Variants in STXBP5L observed in about 807,000 individuals in gnomAD.
The protein encoded by STXBP5L is syntaxin binding protein 5L, also known as syntaxin-binding protein 5-like.
A neutral mutation model predicts 144.5 loss-of-function variants in STXBP5L; 65 were observed. That is an observed-to-expected ratio of 0.45 (90% CI 0.37 to 0.55). The LOEUF is 0.55. STXBP5L is among the 20% of genes least tolerant of loss of function. The pLI is 0.00. For synonymous variants in STXBP5L, 505 were observed against 469.6 expected (o/e 1.08, Z -0.97); for missense variants, 1,298 against 1,405.5 (o/e 0.92, Z 1.22).
intron 2 of STXBP5L, among the ~76,000 whole-genome samples, chr3:120,915,666 A>G (rs913684502): frequency 6.6e-6 from 1 of 152,128 alleles, no homozygotes. Context: ...TGTGCACAAT[A>G]TACTAGCGTT....
At chr3:121,105,670 TA>T (rs202054606) in intron 5 of STXBP5L, among the ~76,000 whole-genome samples, 7 of 151,584 alleles carry the variant, frequency 4.6e-5, no homozygotes, top group South Asian at 2.1e-4. Context: ...ACTTTTGATT[TA>T]AAAAAAAGCT....
chr3:121,400,040 T>C (rs2046833739), intron 22 of STXBP5L, among the ~76,000 whole-genome samples: 1 of 152,256 alleles, frequency 6.6e-6, no homozygotes, highest in Non-Finnish European at 1.5e-5. Flanking sequence ...AATGAAACCT[T>C]ACTTGTCCCT....
intron 6 of STXBP5L, among the ~76,000 whole-genome samples, chr3:121,116,516 C>G (rs944699054): frequency 1.3e-5 from 2 of 152,030 alleles, no homozygotes; most frequent in African/African-American, 4.8e-5. Flanking sequence ...GTTCTTCATA[C>G]TTGGCTTATT....
chr3:121,035,505 T>C (rs1380476704), intron 3 of STXBP5L, among the ~76,000 whole-genome samples: 1 of 152,100 alleles, frequency 6.6e-6, no homozygotes, highest in Non-Finnish European at 1.5e-5. Flanking sequence ...CTTTATTAAG[T>C]ATCAGTTGGG....
intron 20 of STXBP5L, among the ~76,000 whole-genome samples, chr3:121,330,951 G>C (rs1453306698): frequency 2.0e-5 from 3 of 152,202 alleles, no homozygotes; most frequent in Non-Finnish European, 4.4e-5. Flanking sequence ...AATACCTGCT[G>C]CTGGGAGACT....
chr3:121,076,454 G>A (rs1025804058), intron 5 of STXBP5L, among the ~76,000 whole-genome samples: 3 of 152,070 alleles, frequency 2.0e-5, no homozygotes, highest in Non-Finnish European at 4.4e-5. Context: ...GTCTCTTTCT[G>A]TGGTTCCTGG....
At chr3:121,057,276 G>T (rs1262118963) in intron 5 of STXBP5L, among the ~76,000 whole-genome samples, 1 of 151,878 alleles carries the variant, frequency 6.6e-6, no homozygotes, top group East Asian at 1.9e-4. Context: ...ACAGTTTTGT[G>T]TCTTGCTTTT....
intron 18 of STXBP5L, among the ~76,000 whole-genome samples, chr3:121,259,386 G>A (rs2050313736): frequency 6.6e-6 from 1 of 151,994 alleles, no homozygotes; most frequent in Admixed American, 6.6e-5. Flanking sequence ...GATGTTAGTA[G>A]GAGATTGTTA....
intron 9 of STXBP5L, among the ~76,000 whole-genome samples, chr3:121,166,089 A>G (rs1374117480): frequency 6.6e-6 from 1 of 151,806 alleles, no homozygotes; most frequent in African/African-American, 2.4e-5. Context: ...CCCACCACAG[A>G]GGTGTAACCT....
intron 5 of STXBP5L, 79 bp from the exon 6 acceptor site, chr3:121,114,846 A>G (rs896235694): frequency 1.6e-5 from 16 of 980,564 alleles, no homozygotes; most frequent in Non-Finnish European, 2.3e-5. Context: ...AGCTATCACT[A>G]CATAATACAT....
At chr3:121,418,729 GT>G (rs2047297166) in intron 26 of STXBP5L, among the ~76,000 whole-genome samples, 172 bp downstream of exon 26, 1 of 151,886 alleles carries the variant, frequency 6.6e-6, no homozygotes, top group African/African-American at 2.4e-5. Context: ...GAGATAAAAG[GT>G]TTTTTAAAAA....
intron 9 of STXBP5L, among the ~76,000 whole-genome samples, chr3:121,164,736 C>T (rs991379357): frequency 6.6e-6 from 1 of 152,088 alleles, no homozygotes; most frequent in Non-Finnish European, 1.5e-5. Context: ...TGTCATTTGC[C>T]ACAACATAGC....
At chr3:121,227,828 T>C (rs538351015) in intron 11 of STXBP5L, among the ~76,000 whole-genome samples, 20 of 152,292 alleles carry the variant, frequency 1.3e-4, no homozygotes, top group African/African-American at 4.6e-4. Flanking sequence ...TTACACTTTT[T>C]AATAAAGCCA....
At chr3:121,224,053 G>A (rs1396868755) in intron 11 of STXBP5L, among the ~76,000 whole-genome samples, 2 of 152,146 alleles carry the variant, frequency 1.3e-5, no homozygotes, top group Non-Finnish European at 2.9e-5. Context: ...ATATTTTTAA[G>A]ACAGAATATG....
intron 22 of STXBP5L, among the ~76,000 whole-genome samples, chr3:121,397,446 C>T (rs954606876): frequency 3.9e-5 from 6 of 152,294 alleles, no homozygotes; most frequent in Non-Finnish European, 7.3e-5. Context: ...ATTCCTCTAA[C>T]GCCTCCAGTT....
In STXBP5L at chr3:120,984,632, C is replaced by CTTTTTTTTTTTTTTTTT. The variant is rs35656223; in HGVS notation, c.287+29601_287+29617dup. Among the ~76,000 whole-genome samples, 56 of 71,960 alleles carry CTTTTTTTTTTTTTTTTT rather than the reference C, an allele frequency of 7.8e-4. 1 individual carries two copies. The highest frequency in any genetic ancestry group is 2.9e-3 in the African/African-American group (48 of 16,284). 47.2% of individuals were successfully genotyped at this position (71,960 alleles called of 152,430 possible). On this transcript the variant is annotated intron_variant, in intron 3 of 26. Coordinates refer to ENST00000471454, the MANE Select transcript of STXBP5L (RefSeq NM_001308330.2). Reference sequence around the variant, plus strand: ...TGGATGCCTTTCATTTCTTTCTTTCCTTTTTTTTTTTTTTTTTTTTTTGCC... The same window carrying CTTTTTTTTTTTTTTTTT: ...TGGATGCCTTTCATTTCTTTCTTTCCTTTTTTTTTTTTTTTTTTTTTTTTTTTTTTTTTTTTTTTGCC...
At chr3:121,099,307 T>G (rs1399429418) in intron 5 of STXBP5L, 2 of 152,252 alleles carry the variant, frequency 1.3e-5, no homozygotes, top group African/African-American at 4.8e-5. Flanking sequence ...GAGATACCTC[T>G]GCAGATACAT....
intron 3 of STXBP5L, among the ~76,000 whole-genome samples, chr3:121,007,622 C>T (rs575839754): frequency 1.4e-4 from 21 of 151,994 alleles, no homozygotes; most frequent in East Asian, 3.9e-4. Flanking sequence ...CATTACTTGA[C>T]GCAGCAGGAG....
At chr3:120,963,194 C>G (rs1939086156) in intron 3 of STXBP5L, among the ~76,000 whole-genome samples, 2 of 152,180 alleles carry the variant, frequency 1.3e-5, no homozygotes, top group Non-Finnish European at 2.9e-5. Flanking sequence ...ATGGGGTTTT[C>G]TAAATATACA....
Sources: gnomAD v4.1 joint callset for allele counts (sites outside exome capture counted in the v4.1 genomes callset) on GRCh38, gnomAD v4.1.1 for gene constraint, MANE v1.5 for transcripts, NCBI Gene and HGNC (gene_info 2026-07-23, HGNC 2026-07-21) for gene names.